Variants in DAZAP1 observed in about 807,000 individuals in gnomAD.
DAZAP1 encodes DAZ associated protein 1.
Under a neutral mutation model 60.1 loss-of-function variants are expected in DAZAP1, and 6 were observed. That is an observed-to-expected ratio of 0.10 (90% confidence interval 0.05 to 0.20). DAZAP1 has a LOEUF of 0.20. DAZAP1 is among the 10% of genes least tolerant of loss of function. The pLI is 1.00. For synonymous variants in DAZAP1, 235 were observed against 215.9 expected (o/e 1.09, Z -0.78); for missense variants, 366 against 560.4 (o/e 0.65, Z 3.50).
chr19:1,417,334 C>G (rs1384862058), intron 1 of DAZAP1, 166 bp from the exon 2 acceptor site: 4 of 747,994 alleles, frequency 5.3e-6, no homozygotes, highest in East Asian at 2.7e-5. Flanking sequence ...ACAGCATGGG[C>G]GAGGCTGACT....
chr19:1,407,659 G>A lies in DAZAP1; in HGVS notation c.-115G>A. 1 of 971,674 alleles carries A rather than the reference G, an allele frequency of 1.0e-6. No homozygotes were observed. Among genetic ancestry groups the A allele is most frequent in the Non-Finnish European group, 1.2e-6 (1 of 813,390 alleles). 60.2% of individuals were successfully genotyped at this position (971,674 alleles called of 1,614,324 possible). On this transcript the variant is annotated 5_prime_UTR_variant, in exon 1 of 12. Coordinates refer to ENST00000233078, the MANE Select transcript of DAZAP1 (RefSeq NM_018959.4). ...CGCCGCCGCCGCCGCCGCCGCCGCC[G>A]CCGTTGCGCAGATCCGGGCCGCGGC...
intron 6 of DAZAP1, among the ~76,000 whole-genome samples, chr19:1,424,197 A>G (rs371428363): frequency 1.8e-4 from 27 of 150,442 alleles, no homozygotes; most frequent in African/African-American, 5.4e-4. Flanking sequence ...TGGCCCTCCC[A>G]CGTCTACCCT....
chr19:1,424,347 TC>T (rs1766662423), intron 6 of DAZAP1, among the ~76,000 whole-genome samples: 1 of 21,424 alleles, frequency 4.7e-5, no homozygotes, highest in African/African-American at 1.8e-4. Flanking sequence ...CCCCTCCTCC[TC>T]CCCCTCCCCC....
chr19:1,419,866 C>CA (rs1190962752), intron 4 of DAZAP1, among the ~76,000 whole-genome samples: 3 of 145,134 alleles, frequency 2.1e-5, no homozygotes, highest in Non-Finnish European at 1.5e-5. Context: ...TCCCGACCGT[C>CA]ACGGCAGCGA....
chr19:1,421,360 C>A, intron 5 of DAZAP1, 102 bp downstream of exon 5: 1 of 985,924 alleles, frequency 1.0e-6, no homozygotes. Flanking sequence ...GGTGCACGGG[C>A]CTTTCAGGCT....
At position 1,433,640 on chromosome 19, in the gene DAZAP1, A is replaced by AG. The variant is rs568569977; in HGVS notation, c.1048+956dup. 7.9e-5 allele frequency: 74 copies of AG among 938,604 alleles called. 1 individual carries two copies. In the South Asian group the frequency reaches 1.0e-3, roughly 13 times the overall value. 58.1% of individuals were successfully genotyped at this position (938,604 alleles called of 1,614,324 possible). On this transcript the variant is annotated intron_variant, in intron 11 of 11. Coordinates refer to ENST00000233078, the MANE Select transcript of DAZAP1 (RefSeq NM_018959.4). The surrounding 1 kb of genome is among the most constrained non-coding windows in gnomAD (Gnocchi z 6.1). ...AAACCCTGGCGTGTCTGAGACTGGC[A>AG]GGGGGGTGTGAGGCGCCCGGTTGGG...
rs1489824576 is a variant in DAZAP1 at position 1,432,113 on chromosome 19, C to T, written c.872-401C>T. On this transcript the variant is annotated intron_variant, in intron 10 of 11. Coordinates refer to ENST00000233078, the MANE Select transcript of DAZAP1 (RefSeq NM_018959.4). This position sits in a 1 kb window ranked among gnomAD's most constrained non-coding sequence, Gnocchi z 4.9. ...CCAGCATGACAGTCCCTTCCAAGCA[C>T]GTCAGGATGCTCCCTTGCCTGTGCT... is the stretch of plus-strand genomic sequence containing the variant. 8.8e-6 allele frequency: 2 copies of T among 228,244 alleles called. No homozygotes were observed. Among genetic ancestry groups the T allele is most frequent in the South Asian group, 5.4e-5 (1 of 18,608 alleles). 14.1% of individuals were successfully genotyped at this position (228,244 alleles called of 1,614,324 possible).
At chr19:1,410,367 A>G (rs1004862342) in intron 1 of DAZAP1, among the ~76,000 whole-genome samples, 1 of 152,064 alleles carries the variant, frequency 6.6e-6, no homozygotes, top group Non-Finnish European at 1.5e-5. Context: ...GATGTGATGG[A>G]CAGTGTCCTC....
intron 5 of DAZAP1, 142 bp downstream of exon 5, chr19:1,421,400 G>A (rs1017567703): frequency 1.7e-5 from 12 of 689,370 alleles, no homozygotes; most frequent in Admixed American, 2.8e-5. Context: ...TTTCCCCAAC[G>A]CCTGCGCCCT....
chr19:1,409,109 A>G (rs1195947867), intron 1 of DAZAP1, among the ~76,000 whole-genome samples: 1 of 152,230 alleles, frequency 6.6e-6, no homozygotes, highest in African/African-American at 2.4e-5. Context: ...TTGGAGAACC[A>G]GGATGAAAGC....
intron 1 of DAZAP1, among the ~76,000 whole-genome samples, chr19:1,408,272 G>A (rs1405787473): frequency 6.6e-6 from 1 of 152,054 alleles, no homozygotes; most frequent in Non-Finnish European, 1.5e-5. Context: ...GAGCGTCCCC[G>A]TTGCCGCCTG....
At chr19:1,427,961 C>G (rs2083346207) in intron 7 of DAZAP1, 1 of 152,210 alleles carries the variant, frequency 6.6e-6, no homozygotes, top group Admixed American at 6.5e-5. Context: ...TTCTCAAATG[C>G]TGAGGCAGCC....
chr19:1,420,996 T>G, intron 4 of DAZAP1, 152 bp from the exon 5 acceptor site: 2 of 634,632 alleles, frequency 3.2e-6, no homozygotes, highest in South Asian at 3.8e-5. Context: ...CAGAGCCCAG[T>G]GTCTTTGGAC....
Position 1,433,793 on chromosome 19 carries a change from G to A in DAZAP1, c.1049-944G>A, listed in dbSNP as rs146667354. The A allele has an allele frequency of 3.7e-6, 6 of 1,613,928 alleles. No individual in the cohort carries two copies. The highest frequency in any genetic ancestry group is 1.6e-4 in the Middle Eastern group (1 of 6,084). On this transcript the variant is annotated intron_variant, in intron 11 of 11. Coordinates refer to ENST00000233078, the MANE Select transcript of DAZAP1 (RefSeq NM_018959.4). The surrounding 1 kb of genome is among the most constrained non-coding windows in gnomAD (Gnocchi z 6.1). ...GGCTGCGGCCCACACTTTGTTTACA[G>A]TCTTATGGTCAGGCTGAGCAGTGAT... is the stretch of plus-strand genomic sequence containing the variant.
chr19:1,430,877 C>T (rs575070528), intron 10 of DAZAP1, among the ~76,000 whole-genome samples: 44 of 151,806 alleles, frequency 2.9e-4, no homozygotes, highest in African/African-American at 9.9e-4. Context: ...CTCGCCACCA[C>T]GCCCGGCTAA....
chr19:1,423,666 G>T lies in DAZAP1; in HGVS notation c.463+1270G>T, dbSNP rs1028690084. Among the ~76,000 whole-genome samples, 16 of 152,266 alleles carry T rather than the reference G, an allele frequency of 1.1e-4. No homozygotes were observed. The highest frequency in any genetic ancestry group is 2.2e-4 in the Non-Finnish European group (15 of 68,048). On this transcript the variant is annotated intron_variant, in intron 6 of 11. Coordinates refer to ENST00000233078, the MANE Select transcript of DAZAP1 (RefSeq NM_018959.4). This position sits in a 1 kb window ranked among gnomAD's most constrained non-coding sequence, Gnocchi z 6.8. Reference sequence around the variant, plus strand: ...GAGCCCTGTGGTTTCAGACACTCCTGCAGTTTGCGAAAATGTCTACTTCTA... The same window carrying T: ...GAGCCCTGTGGTTTCAGACACTCCTTCAGTTTGCGAAAATGTCTACTTCTA...
chr19:1,415,072 C>G (rs1160256737), intron 1 of DAZAP1, among the ~76,000 whole-genome samples: 5 of 152,150 alleles, frequency 3.3e-5, no homozygotes, highest in African/African-American at 1.2e-4. Flanking sequence ...CTGAGAAAGA[C>G]AGTACTGATA....
chr19:1,421,157 C>A lies in DAZAP1; in HGVS notation c.313C>A (p.Pro105Thr). The change falls in exon 5 of 12, where the codon CCC becomes ACC. Residue 105 changes from proline to threonine, a missense_variant. Around this residue, in one of 3 missense-constraint regions of DAZAP1, gnomAD observed 98 missense variants for 155.3 expected, o/e 0.63. Coordinates refer to ENST00000233078, the MANE Select transcript of DAZAP1 (RefSeq NM_018959.4). ...TRPKEGWQKG[P>T]RSDNSKSNKI... ...TTCCCTTCTTCAACAGCAGAAAGGA[C>A]CCAGGAGCGATAACAGTAAATCAAA... 6.2e-7 allele frequency: 1 copy of A among 1,614,078 alleles called. No homozygotes were observed. Among genetic ancestry groups the A allele is most frequent in the South Asian group, 1.1e-5 (1 of 91,080 alleles).
chr19:1,418,597 G>T lies in DAZAP1; in HGVS notation c.238-69G>T. The T allele has an allele frequency of 6.3e-7, 1 of 1,595,298 alleles. No individual in the cohort carries two copies. The highest frequency in any genetic ancestry group is 8.6e-7 in the Non-Finnish European group (1 of 1,163,310). On this transcript the variant is annotated intron_variant, in intron 3 of 11. Coordinates refer to ENST00000233078, the MANE Select transcript of DAZAP1 (RefSeq NM_018959.4). This position sits in a 1 kb window ranked among gnomAD's most constrained non-coding sequence, Gnocchi z 5.7. The stretch of plus-strand genomic sequence containing the variant: ...GGGCTGCTGTGCCGTGGCTGCTGTT[G>T]TGCTGACACCCTCTTTCCTAGAGAA...
Sources: allele counts gnomAD v4.1 joint callset (sites outside exome capture counted in the v4.1 genomes callset), GRCh38; gene constraint gnomAD v4.1.1; regional missense constraint gnomAD v4.1.1; non-coding constraint Gnocchi (gnomAD v3.1); transcripts MANE v1.5; gene names NCBI Gene and HGNC (gene_info 2026-07-23, HGNC 2026-07-21).